Variants in ZFYVE28 observed in about 807,000 individuals in gnomAD.
The protein encoded by ZFYVE28 is zinc finger FYVE-type containing 28, also known as lateral signaling target protein 2 homolog.
A neutral mutation model predicts 82.1 loss-of-function variants in ZFYVE28; 40 were observed. The observed-to-expected ratio is 0.49, with a 90% CI of 0.38 to 0.63. The LOEUF (loss-of-function observed/expected upper bound fraction) is 0.63, where lower values mean the gene tolerates loss of function less well. ZFYVE28 is among the 30% of genes least tolerant of loss of function. The pLI, the probability that ZFYVE28 is intolerant of heterozygous loss-of-function variation, is 0.00. For missense variants in ZFYVE28, 1,321 were observed against 1,242.1 expected, an observed-to-expected ratio of 1.06 and a Z score of -0.96; for synonymous variants, 612 against 546.1, an observed-to-expected ratio of 1.12 and a Z score of -1.68.
chr4:2,309,777 C>T (rs974772800), intron 7 of ZFYVE28, among the ~76,000 whole-genome samples: 6 of 152,182 alleles, frequency 3.9e-5, no homozygotes, highest in Admixed American at 2.6e-4. Flanking sequence ...TACGCACGGA[C>T]GAAATCTGTT....
At chr4:2,374,118 A>G (rs1727861120) in intron 1 of ZFYVE28, among the ~76,000 whole-genome samples, 1 of 152,230 alleles carries the variant, frequency 6.6e-6, no homozygotes, top group Non-Finnish European at 1.5e-5. Flanking sequence ...TAAAATCATG[A>G]TGTGTGCATG....
intron 2 of ZFYVE28, among the ~76,000 whole-genome samples, chr4:2,342,124 G>A (rs2071678): frequency 0.19 from 28,322 of 152,188 alleles, 3,471 homozygotes; most frequent in East Asian, 0.47. Flanking sequence ...CACAGACCAC[G>A]TCTTAGGGTC....
At chr4:2,303,929 G>T (rs1716043065) in intron 8 of ZFYVE28, among the ~76,000 whole-genome samples, 1 of 152,240 alleles carries the variant, frequency 6.6e-6, no homozygotes, top group African/African-American at 2.4e-5. Context: ...CGCTCCCACT[G>T]CCCCGCACAG....
chr4:2,364,273 C>G lies in ZFYVE28; in HGVS notation c.40-10200G>C, dbSNP rs551797633. 6.0e-3 allele frequency among the ~76,000 whole-genome samples: 914 copies of G among 152,290 alleles called. 8 individuals carry two copies. Among genetic ancestry groups the G allele is most frequent in the African/African-American group, 0.017 (719 of 41,552 alleles). ...AGGGCTCGGTGCTGAGCCCCCAGTCCCACCTACCCCCTGCAGGTGCCTGTG... is the reference window on the plus strand; with the variant it reads ...AGGGCTCGGTGCTGAGCCCCCAGTCGCACCTACCCCCTGCAGGTGCCTGTG... On this transcript the variant is annotated intron_variant, in intron 1 of 12. Transcript: ENST00000290974.
chr4:2,338,812 G>A (rs1483987465), intron 4 of ZFYVE28, among the ~76,000 whole-genome samples: 3 of 152,048 alleles, frequency 2.0e-5, no homozygotes, highest in Non-Finnish European at 2.9e-5. Flanking sequence ...ATCTGCCTCC[G>A]TGTTTTGTTT....
At chr4:2,304,129 C>A (rs1160047931) in intron 8 of ZFYVE28, among the ~76,000 whole-genome samples, 160 bp downstream of exon 8, 4 of 152,260 alleles carry the variant, frequency 2.6e-5, no homozygotes, top group Non-Finnish European at 4.4e-5. Context: ...CCTGCCCCTG[C>A]CCCTCCTCAC....
chr4:2,285,721 G>A (rs1318511409), intron 8 of ZFYVE28: 1 of 152,676 alleles, frequency 6.5e-6, no homozygotes, highest in Non-Finnish European at 1.5e-5. Flanking sequence ...GGGCCAGAAT[G>A]AAGGACAGAA....
chr4:2,317,768 G>T (rs1217095813), intron 7 of ZFYVE28, among the ~76,000 whole-genome samples: 1 of 152,284 alleles, frequency 6.6e-6, no homozygotes, highest in Middle Eastern at 3.4e-3. Context: ...AAATAGCTGG[G>T]ATTACAGGCG....
rs371814465 is a variant in ZFYVE28, at chr4:2,279,730, G to A, written c.2052-5514C>T. 4.6e-4 allele frequency among the ~76,000 whole-genome samples: 69 copies of A among 149,780 alleles called. 1 individual carries two copies. Among genetic ancestry groups the A allele is most frequent in the African/African-American group, 1.4e-3 (55 of 40,600 alleles). ...CGGGAGGCGGAGCTTGCAGTGAGCC[G>A]AGATCATGCCACTGCACTCCAGCCT... is the stretch of plus-strand genomic sequence containing the variant. On this transcript the variant is annotated intron_variant, in intron 8 of 12. Transcript: ENST00000290974.
chr4:2,405,101 A>C (rs370787442), intron 1 of ZFYVE28, among the ~76,000 whole-genome samples: 2 of 152,304 alleles, frequency 1.3e-5, no homozygotes, highest in African/African-American at 4.8e-5. Flanking sequence ...AACCTCATCC[A>C]CAAGCCGAAT....
At chr4:2,273,618 C>T (rs746757953) in intron 9 of ZFYVE28, among the ~76,000 whole-genome samples, 1 of 152,192 alleles carries the variant, frequency 6.6e-6, no homozygotes, top group Non-Finnish European at 1.5e-5. Flanking sequence ...GGGACACTTA[C>T]AGAGCCCCTG....
chr4:2,318,614 G>A (rs994086867), intron 7 of ZFYVE28, among the ~76,000 whole-genome samples: 2 of 152,170 alleles, frequency 1.3e-5, no homozygotes, highest in Non-Finnish European at 2.9e-5. Flanking sequence ...GGGTGGGCGG[G>A]GGGCACAAGC....
intron 6 of ZFYVE28, among the ~76,000 whole-genome samples, chr4:2,326,042 G>T (rs1219677916): frequency 6.6e-6 from 1 of 152,044 alleles, no homozygotes; most frequent in Non-Finnish European, 1.5e-5. Flanking sequence ...CTTTTGCTAT[G>T]CAGAAGCTTT....
At position 2,341,047 on chromosome 4, in the gene ZFYVE28, GAGATGA is replaced by G. The variant is rs908266329; in HGVS notation, c.318+425_318+430del. On this transcript the variant is annotated intron_variant, in intron 3 of 12. Transcript: ENST00000290974. The surrounding 1 kb of genome is among the most constrained non-coding windows in gnomAD (Gnocchi z 4.5). ...CTCGGTGCCTCAGTTTCCTGATTGG[GAGATGA>G]AGATGAAGATGACAGGCTATTGCCA... is the stretch of plus-strand genomic sequence containing the variant. 2.9e-4 allele frequency among the ~76,000 whole-genome samples: 44 copies of G among 151,938 alleles called. No homozygotes were observed. Among genetic ancestry groups the G allele is most frequent in the African/African-American group, 8.7e-4 (36 of 41,516 alleles).
chr4:2,273,343 C>A, intron 9 of ZFYVE28, 54 bp from the exon 10 acceptor site: 2 of 1,519,718 alleles, frequency 1.3e-6, no homozygotes, highest in Non-Finnish European at 1.8e-6. Context: ...GAAGGAACTG[C>A]GGAGGTCGGT....
rs1019085376 is a variant in ZFYVE28 at position 2,300,919 on chromosome 4, T to C, written c.2051+3370A>G. 1.3e-5 allele frequency among the ~76,000 whole-genome samples: 2 copies of C among 152,138 alleles called. No individual in the cohort carries two copies. The highest frequency in any genetic ancestry group is 2.9e-5 in the Non-Finnish European group (2 of 68,036). On this transcript the variant is annotated intron_variant, in intron 8 of 12. Transcript: ENST00000290974. This position sits in a 1 kb window ranked among gnomAD's most constrained non-coding sequence, Gnocchi z 4.6. ...CCGGGCTCTTCCAGATGCTCTCAGC[T>C]GAGGCAAATACCACCCTCTCCGTCT...
At chr4:2,338,979 T>C (rs1224407390) in intron 4 of ZFYVE28, among the ~76,000 whole-genome samples, 2 of 140,108 alleles carry the variant, frequency 1.4e-5, no homozygotes, top group East Asian at 4.2e-4. Flanking sequence ...CCGGCTAATT[T>C]TTTGTATTTT....
At chr4:2,304,243 A>G (rs771010315) in intron 8 of ZFYVE28, 46 bp downstream of exon 8, 405 of 1,508,354 alleles carry the variant, frequency 2.7e-4, no homozygotes, top group Non-Finnish European at 3.3e-4. Context: ...CCTGCCCCCC[A>G]GTGCAGAGAG....
At position 2,404,016 on chromosome 4, in the gene ZFYVE28, G is replaced by A. The variant is rs560393699; in HGVS notation, c.39+14269C>T. 1.5e-4 allele frequency among the ~76,000 whole-genome samples: 22 copies of A among 151,598 alleles called. No individual in the cohort carries two copies. In the South Asian group the frequency reaches 4.2e-3, roughly 29 times the overall value. On this transcript the variant is annotated intron_variant, in intron 1 of 12. Transcript: ENST00000290974. The stretch of plus-strand genomic sequence containing the variant: ...AGAATCACAATGGGGAAAGCAGTTG[G>A]CAGTTCCTCAAAGCTGAAGATGGGC...
Sources: gnomAD v4.1 joint callset for allele counts (sites outside exome capture counted in the v4.1 genomes callset) on GRCh38, gnomAD v4.1.1 for gene constraint, Gnocchi (gnomAD v3.1) non-coding constraint, MANE v1.5 for transcripts, NCBI Gene and HGNC (gene_info 2026-07-23, HGNC 2026-07-21) for gene names.